The following CAMTA1 variants were observed in gnomAD, a reference collection of about 807,000 sequenced individuals.
The protein encoded by CAMTA1 is calmodulin binding transcription activator 1, also known as calmodulin-binding transcription activator 1.
CAMTA1 carries 27 observed loss-of-function variants against 170.9 expected under a neutral mutation model. That is an observed-to-expected ratio of 0.16 (90% confidence interval 0.12 to 0.22). The LOEUF (loss-of-function observed/expected upper bound fraction) is 0.22. CAMTA1 is among the 10% of genes least tolerant of loss of function. The pLI is 1.00. For missense variants in CAMTA1, 1,619 were observed against 2,217.2 expected (o/e 0.73, Z 5.42); for synonymous variants, 833 against 891.5 (o/e 0.93, Z 1.17).
At chr1:6,886,236 A>G (rs1002571553) in intron 3 of CAMTA1, 1 of 455,946 alleles carries the variant, frequency 2.2e-6, no homozygotes. Context: ...TTTTGTTTAT[A>G]CAGGTCTTAA....
At chr1:7,301,576 G>GTGTGTTCA (rs1674768514) in intron 5 of CAMTA1, among the ~76,000 whole-genome samples, 2 of 152,156 alleles carry the variant, frequency 1.3e-5, no homozygotes, top group Non-Finnish European at 2.9e-5. Flanking sequence ...GAGCCAGGCA[G>GTGTGTTCA]TGTGTTCATG....
chr1:7,392,599 G>T (rs1163233018), intron 5 of CAMTA1, among the ~76,000 whole-genome samples: 4 of 26,596 alleles, frequency 1.5e-4, no homozygotes, highest in African/African-American at 3.5e-4. Flanking sequence ...CTGGAGGTGG[G>T]CGCAATAGCT....
chr1:7,675,599 C>T (rs999738436), intron 10 of CAMTA1, among the ~76,000 whole-genome samples: 1 of 151,900 alleles, frequency 6.6e-6, no homozygotes, highest in African/African-American at 2.4e-5. Context: ...CTGTGGCCCC[C>T]GGTGCTGGAT....
intron 4 of CAMTA1, among the ~76,000 whole-genome samples, chr1:7,168,970 A>G (rs983786013): frequency 6.6e-6 from 1 of 152,182 alleles, no homozygotes; most frequent in Non-Finnish European, 1.5e-5. Context: ...GGTTTCTTCT[A>G]TTTTAGTTTG....
intron 11 of CAMTA1, among the ~76,000 whole-genome samples, chr1:7,716,518 CATT>C (rs900274249): frequency 7.9e-5 from 12 of 152,096 alleles, no homozygotes; most frequent in East Asian, 3.8e-4. Flanking sequence ...CTATGAAAAA[CATT>C]ATAATTAATA....
intron 5 of CAMTA1, among the ~76,000 whole-genome samples, chr1:7,384,639 CT>C (rs979441202): frequency 6.6e-6 from 1 of 152,320 alleles, no homozygotes; most frequent in Admixed American, 6.5e-5. Flanking sequence ...CATTTTGTCA[CT>C]CTTAATTTTT....
chr1:7,620,890 T>C (rs1292673029), intron 6 of CAMTA1, among the ~76,000 whole-genome samples: 1 of 151,998 alleles, frequency 6.6e-6, no homozygotes, highest in Non-Finnish European at 1.5e-5. Flanking sequence ...AACCTGACAG[T>C]TCAGACCAAG....
intron 5 of CAMTA1, among the ~76,000 whole-genome samples, chr1:7,359,085 G>T (rs1292650717): frequency 6.6e-6 from 1 of 152,186 alleles, no homozygotes; most frequent in Non-Finnish European, 1.5e-5. Context: ...GCAGGCTCAC[G>T]TGCATAAGAG....
rs1255700817 is a variant in CAMTA1 at position 7,144,523 on chromosome 1, C to T, written c.302+53152C>T. Among the ~76,000 whole-genome samples the T allele has an allele frequency of 1.3e-5, 2 of 152,140 alleles. No individual in the cohort carries two copies. The highest frequency in any genetic ancestry group is 2.9e-5 in the Non-Finnish European group (2 of 68,020). On this transcript the variant is annotated intron_variant, in intron 4 of 22. Coordinates refer to ENST00000303635, the MANE Select transcript of CAMTA1 (RefSeq NM_015215.4). The surrounding 1 kb of genome is among the most constrained non-coding windows in gnomAD (Gnocchi z 4.0). The stretch of plus-strand genomic sequence containing the variant: ...ATGCTATCAGGACCGATATATATAA[C>T]ACTAGGCAGGATTAGAAGATTTGCC...
At chr1:7,622,448 A>G (rs1007682192) in intron 6 of CAMTA1, among the ~76,000 whole-genome samples, 2 of 152,218 alleles carry the variant, frequency 1.3e-5, no homozygotes, top group Admixed American at 6.5e-5. Context: ...TCTTATTTGA[A>G]TTCCAAAGTT....
At chr1:6,987,671 C>G (rs962746190) in intron 3 of CAMTA1, among the ~76,000 whole-genome samples, 5 of 152,178 alleles carry the variant, frequency 3.3e-5, no homozygotes, top group African/African-American at 9.6e-5. Context: ...TTATAAAACC[C>G]CTTACTTTTT....
intron 4 of CAMTA1, among the ~76,000 whole-genome samples, chr1:7,230,173 C>T (rs1662471585): frequency 6.6e-6 from 1 of 152,124 alleles, no homozygotes; most frequent in African/African-American, 2.4e-5. Context: ...GCCCTGAAGC[C>T]TAGGTTTGAA....
chr1:7,156,119 C>A lies in CAMTA1; in HGVS notation c.302+64748C>A, dbSNP rs113270398. 9.1e-3 allele frequency among the ~76,000 whole-genome samples: 1,224 copies of A among 134,860 alleles called. 10 individuals are homozygous for A. Among genetic ancestry groups the A allele is most frequent in the Non-Finnish European group, 0.015 (938 of 61,544 alleles). The allele number at this position is 134,860 out of a possible 152,430, so 88.5% of individuals were successfully genotyped here. On this transcript the variant is annotated intron_variant, in intron 4 of 22. Transcript: ENST00000303635. ...GGCCAACATGTCTCTACAAAAAATA[C>A]AAAAAAAAAATAGCCAGATGTGGTG...
intron 1 of CAMTA1, among the ~76,000 whole-genome samples, chr1:6,809,993 A>G (rs1644979224): frequency 6.6e-6 from 1 of 152,192 alleles, no homozygotes; most frequent in Non-Finnish European, 1.5e-5. Context: ...GAAATGATTG[A>G]TCCAGTCCAA....
intron 3 of CAMTA1, among the ~76,000 whole-genome samples, chr1:7,049,015 G>A (rs1201181515): frequency 6.6e-6 from 1 of 152,202 alleles, no homozygotes; most frequent in Non-Finnish European, 1.5e-5. Flanking sequence ...AAAGTACAAT[G>A]CGTGGCTTCA....
At chr1:7,056,183 G>A (rs1707290507) in intron 3 of CAMTA1, among the ~76,000 whole-genome samples, 1 of 152,200 alleles carries the variant, frequency 6.6e-6, no homozygotes, top group Admixed American at 6.5e-5. Context: ...GACAGCTCAG[G>A]TGATGTGGGT....
At chr1:6,875,007 T>C (rs1571244207) in intron 3 of CAMTA1, among the ~76,000 whole-genome samples, 1 of 152,164 alleles carries the variant, frequency 6.6e-6, no homozygotes, top group African/African-American at 2.4e-5. Context: ...CCCAGGGCTT[T>C]CCATACATTT....
chr1:7,135,337 G>A (rs558811608), intron 4 of CAMTA1, among the ~76,000 whole-genome samples: 2 of 152,292 alleles, frequency 1.3e-5, no homozygotes, highest in East Asian at 3.9e-4. Context: ...GCAGTGAGTT[G>A]AGATTGTGCC....
At chr1:7,524,754 T>G (rs2478267) in intron 6 of CAMTA1, among the ~76,000 whole-genome samples, 89,812 of 151,930 alleles carry the variant, frequency 0.59, 27,082 homozygotes, top group Non-Finnish European at 0.63. Context: ...GGACTGCTTT[T>G]CATTCACATC....
Sources: allele counts gnomAD v4.1 joint callset (sites outside exome capture counted in the v4.1 genomes callset), GRCh38; gene constraint gnomAD v4.1.1; non-coding constraint Gnocchi (gnomAD v3.1); transcripts MANE v1.5; gene names NCBI Gene and HGNC (gene_info 2026-07-23, HGNC 2026-07-21).